PTPRO: variants seen among roughly 807,000 people sequenced by gnomAD.
PTPRO encodes protein tyrosine phosphatase receptor type O.
A neutral mutation model predicts 145.2 loss-of-function variants in PTPRO; 62 were observed. The observed-to-expected ratio is 0.43, with a 90% CI of 0.35 to 0.53. PTPRO has a LOEUF of 0.53. PTPRO is among the 20% of genes least tolerant of loss of function. The pLI is 0.01. For missense variants in PTPRO, 1,345 were observed against 1,482.7 expected (o/e 0.91, Z 1.53); for synonymous variants, 565 against 514.7 (o/e 1.10, Z -1.32).
At chr12:15,347,995 T>A (rs372216422) in intron 1 of PTPRO, among the ~76,000 whole-genome samples, 2 of 152,014 alleles carry the variant, frequency 1.3e-5, no homozygotes, top group African/African-American at 4.8e-5. Flanking sequence ...TATTTATAGA[T>A]CATCTAAAAT....
chr12:15,590,313 C>T (rs1007758335), intron 25 of PTPRO, among the ~76,000 whole-genome samples: 1 of 152,164 alleles, frequency 6.6e-6, no homozygotes, highest in African/African-American at 2.4e-5. Flanking sequence ...GGTGTGTACC[C>T]TTGTGGGCGC....
chr12:15,443,772 A>G (rs1940832412), intron 1 of PTPRO, among the ~76,000 whole-genome samples: 1 of 152,204 alleles, frequency 6.6e-6, no homozygotes, highest in African/African-American at 2.4e-5. Context: ...AACGCAAAAC[A>G]AAACCACAAT....
chr12:15,379,898 A>G (rs1369711991), intron 1 of PTPRO, among the ~76,000 whole-genome samples: 1 of 152,204 alleles, frequency 6.6e-6, no homozygotes, highest in Non-Finnish European at 1.5e-5. Flanking sequence ...CCACTTTAGT[A>G]TGTCATTTAA....
At chr12:15,509,328 A>G (rs1942387500) in intron 7 of PTPRO, among the ~76,000 whole-genome samples, 1 of 151,888 alleles carries the variant, frequency 6.6e-6, no homozygotes, top group Non-Finnish European at 1.5e-5. Flanking sequence ...ACTTTTTTCC[A>G]TTCTTTTAAT....
At chr12:15,381,803 G>A (rs187144204) in intron 1 of PTPRO, among the ~76,000 whole-genome samples, 1 of 152,188 alleles carries the variant, frequency 6.6e-6, no homozygotes, top group African/African-American at 2.4e-5. Flanking sequence ...GACCTCTCAA[G>A]CAGTGTTTAT....
At chr12:15,364,346 C>A (rs545400906) in intron 1 of PTPRO, among the ~76,000 whole-genome samples, 2 of 152,234 alleles carry the variant, frequency 1.3e-5, no homozygotes, top group Admixed American at 1.3e-4. Context: ...CCCAGGTTTT[C>A]TTGGCTTCTC....
chr12:15,462,427 T>C (rs938341287), intron 1 of PTPRO, among the ~76,000 whole-genome samples: 1 of 152,166 alleles, frequency 6.6e-6, no homozygotes, highest in Non-Finnish European at 1.5e-5. Flanking sequence ...CACCTGCCCT[T>C]GCTCATCTTT....
At chr12:15,367,448 G>A (rs1195163985) in intron 1 of PTPRO, among the ~76,000 whole-genome samples, 1 of 152,200 alleles carries the variant, frequency 6.6e-6, no homozygotes, top group East Asian at 1.9e-4. Context: ...AAGCAAATTA[G>A]CTAGTAGAGT....
intron 19 of PTPRO, among the ~76,000 whole-genome samples, chr12:15,578,140 T>C (rs1944226702): frequency 6.6e-6 from 1 of 152,210 alleles, no homozygotes; most frequent in African/African-American, 2.4e-5. Flanking sequence ...GTTAATCCCA[T>C]ACTTTGTAAC....
chr12:15,389,106 T>G (rs976356866), intron 1 of PTPRO, among the ~76,000 whole-genome samples: 9 of 142,484 alleles, frequency 6.3e-5, no homozygotes, highest in Non-Finnish European at 1.1e-4. Flanking sequence ...AATAAAGAAT[T>G]TTTTTTTTTT....
chr12:15,353,365 T>A (rs1937874968), intron 1 of PTPRO, among the ~76,000 whole-genome samples: 1 of 152,146 alleles, frequency 6.6e-6, no homozygotes, highest in Non-Finnish European at 1.5e-5. Context: ...AGCCATTTAG[T>A]CTGTCCCTAA....
rs74070709 is a variant in PTPRO at position 15,462,937 on chromosome 12, T to C, written c.76-21037T>C. Among the ~76,000 whole-genome samples the C allele has an allele frequency of 2.4e-3, 365 of 152,302 alleles. 3 individuals carry two copies. Among genetic ancestry groups the C allele is most frequent in the African/African-American group, 8.4e-3 (351 of 41,576 alleles). ...AATCAATTAAACAAATGCATCAGGT[T>C]AATAGTATTTCTTATTCCAATGAAA... On this transcript the variant is annotated intron_variant, in intron 1 of 26. Transcript: ENST00000281171.
In PTPRO at chr12:15,589,443, A is replaced by G. The variant is rs1944499588; in HGVS notation, c.3411-12A>G. 1 of 1,613,808 alleles carries G rather than the reference A, an allele frequency of 6.2e-7. No individual in the cohort carries two copies. Among genetic ancestry groups the G allele is most frequent in the Non-Finnish European group, 8.5e-7 (1 of 1,179,952 alleles). On this transcript the variant is annotated splice_polypyrimidine_tract_variant and intron_variant, in intron 24 of 26. Coordinates refer to ENST00000281171, the MANE Select transcript of PTPRO (RefSeq NM_030667.3). Reference sequence around the variant, plus strand: ...CATCTGAATAATATGCCATCGGAACATTCTTTTGCAGTGCTGGCGTGGGAC... The same window carrying G: ...CATCTGAATAATATGCCATCGGAACGTTCTTTTGCAGTGCTGGCGTGGGAC...
At chr12:15,407,225 A>T (rs188978508) in intron 1 of PTPRO, among the ~76,000 whole-genome samples, 42 of 152,238 alleles carry the variant, frequency 2.8e-4, no homozygotes, top group Admixed American at 1.1e-3. Flanking sequence ...GCTTTTGTTA[A>T]CTCAGCATTA....
At chr12:15,360,535 G>A (rs1177823493) in intron 1 of PTPRO, among the ~76,000 whole-genome samples, 1 of 151,720 alleles carries the variant, frequency 6.6e-6, no homozygotes, top group East Asian at 1.9e-4. Context: ...TAATGCATAG[G>A]GACTCAGCAC....
chr12:15,570,196 C>G (rs1944011290), intron 19 of PTPRO, among the ~76,000 whole-genome samples: 1 of 151,996 alleles, frequency 6.6e-6, no homozygotes, highest in African/African-American at 2.4e-5. Context: ...CTTTTTCTTT[C>G]TACATATTTT....
intron 12 of PTPRO, among the ~76,000 whole-genome samples, chr12:15,529,774 T>G (rs1190082360): frequency 6.6e-6 from 1 of 152,110 alleles, no homozygotes. Context: ...AATTAATACA[T>G]AACACTTAAT....
chr12:15,553,576 TAGA>T (rs1441651662), intron 15 of PTPRO, among the ~76,000 whole-genome samples: 3 of 151,606 alleles, frequency 2.0e-5, no homozygotes, highest in Non-Finnish European at 2.9e-5. Flanking sequence ...AAGACAAGAG[TAGA>T]AGGAGATGTC....
At chr12:15,329,495 C>G (rs1203742899) in intron 1 of PTPRO, among the ~76,000 whole-genome samples, 2 of 152,098 alleles carry the variant, frequency 1.3e-5, no homozygotes, top group Non-Finnish European at 2.9e-5. Flanking sequence ...TTTTAGTTTC[C>G]TTGAAAGAGC....
Sources: gnomAD v4.1 joint callset for allele counts (sites outside exome capture counted in the v4.1 genomes callset) on GRCh38, gnomAD v4.1.1 for gene constraint, MANE v1.5 for transcripts, NCBI Gene and HGNC (gene_info 2026-07-23, HGNC 2026-07-21) for gene names.